The following XKR9 variants were observed in gnomAD, a reference collection of about 807,000 sequenced individuals.
XKR9 encodes XK related 9.
XKR9 carries 32 observed loss-of-function variants against 32.0 expected under a neutral mutation model. The ratio of observed to expected loss-of-function variants is 1.00; its 90% CI spans 0.76 to 1.34. The LOEUF (loss-of-function observed/expected upper bound fraction) is 1.34, where lower values mean the gene tolerates loss of function less well. Among genes scored for constraint, XKR9 ranks in the 40% most tolerant of loss-of-function variants. The probability of loss-of-function intolerance (pLI) is 0.00; values close to 1 mark genes in which losing one functional copy is unlikely to be tolerated. For synonymous variants in XKR9, 168 were observed against 143.4 expected, an observed-to-expected ratio of 1.17 and a Z score of -1.22; for missense variants, 546 against 429.7, an observed-to-expected ratio of 1.27 and a Z score of -2.39.
At chr8:70,773,169 C>A (rs2130236339) in intron 2 of XKR9, among the ~76,000 whole-genome samples, 1 of 152,242 alleles carries the variant, frequency 6.6e-6, no homozygotes, top group South Asian at 2.1e-4. Flanking sequence ...ATAAAAAGAT[C>A]TGGCAGATAT....
chr8:70,946,865 G>A, the XKR9 span, among the ~76,000 whole-genome samples: 1 of 152,276 alleles, frequency 6.6e-6, no homozygotes, highest in Non-Finnish European at 1.5e-5. Context: ...GAATTACCTA[G>A]CAGGACTCTT....
chr8:70,907,077 C>G, the XKR9 span, among the ~76,000 whole-genome samples: 3 of 152,134 alleles, frequency 2.0e-5, no homozygotes, highest in Non-Finnish European at 4.4e-5. Flanking sequence ...TGTTATCTGT[C>G]CTTATAGCTT....
chr8:70,760,490 A>G (rs1287257505), intron 2 of XKR9, among the ~76,000 whole-genome samples: 5 of 152,152 alleles, frequency 3.3e-5, no homozygotes, highest in Non-Finnish European at 7.3e-5. Flanking sequence ...TTGGGGTAAA[A>G]TATATGCAAC....
At chr8:71,006,935 T>A in the XKR9 span, among the ~76,000 whole-genome samples, 224 of 152,306 alleles carry the variant, frequency 1.5e-3, no homozygotes, top group African/African-American at 4.9e-3. Flanking sequence ...TGGTGACAAG[T>A]GGATGTACGA....
At chr8:70,841,333 G>C in the XKR9 span, among the ~76,000 whole-genome samples, 1 of 152,074 alleles carries the variant, frequency 6.6e-6, no homozygotes, top group Non-Finnish European at 1.5e-5. Flanking sequence ...TGATTTTTCT[G>C]TTTAATGTAC....
At chr8:70,777,792 T>A (rs1204014495) in intron 2 of XKR9, among the ~76,000 whole-genome samples, 1 of 151,990 alleles carries the variant, frequency 6.6e-6, no homozygotes, top group Non-Finnish European at 1.5e-5. Flanking sequence ...TTTGCCCAAT[T>A]TTTGATGAGG....
At chr8:70,683,581 T>C (rs771369784) in intron 3 of XKR9, 2 of 450,226 alleles carry the variant, frequency 4.4e-6, no homozygotes, top group Non-Finnish European at 4.5e-6. Flanking sequence ...TCCACCTCCT[T>C]GGTTCAAGAG....
the XKR9 span, among the ~76,000 whole-genome samples, chr8:71,063,607 C>A: frequency 6.6e-6 from 1 of 151,914 alleles, no homozygotes; most frequent in African/African-American, 2.4e-5. Context: ...TTATGAATAC[C>A]CCCAAAGGGG....
At chr8:70,812,454 G>A in the XKR9 span, among the ~76,000 whole-genome samples, 2 of 152,130 alleles carry the variant, frequency 1.3e-5, no homozygotes, top group African/African-American at 4.8e-5. Context: ...CAATTAGGCA[G>A]GAGAAGGAAA....
chr8:70,742,512 A>G (rs1230166139), intron 2 of XKR9, among the ~76,000 whole-genome samples: 1 of 152,176 alleles, frequency 6.6e-6, no homozygotes, highest in African/African-American at 2.4e-5. Context: ...GAAGATTTAA[A>G]TGTCTATGTG....
At chr8:71,018,642 G>A in the XKR9 span, among the ~76,000 whole-genome samples, 41 of 152,148 alleles carry the variant, frequency 2.7e-4, no homozygotes, top group African/African-American at 8.2e-4. Context: ...CACATAGTAC[G>A]TACTCAGTGT....
At chr8:70,963,203 G>A in the XKR9 span, among the ~76,000 whole-genome samples, 2 of 152,104 alleles carry the variant, frequency 1.3e-5, no homozygotes, top group African/African-American at 4.8e-5. Flanking sequence ...CCACTTATAA[G>A]TGAGAACATT....
At chr8:70,766,464 T>G (rs1164285557) in intron 2 of XKR9, among the ~76,000 whole-genome samples, 2 of 152,218 alleles carry the variant, frequency 1.3e-5, no homozygotes, top group African/African-American at 4.8e-5. Flanking sequence ...CTGAGACTGC[T>G]GAAGTTGCTT....
At chr8:70,768,417 C>A (rs1047062786) in intron 2 of XKR9, among the ~76,000 whole-genome samples, 4 of 152,114 alleles carry the variant, frequency 2.6e-5, no homozygotes, top group African/African-American at 9.7e-5. Flanking sequence ...GTGGAGAGTT[C>A]TGTAGATGTC....
the XKR9 span, among the ~76,000 whole-genome samples, chr8:70,814,179 A>T: frequency 1.3e-5 from 2 of 152,162 alleles, no homozygotes; most frequent in Non-Finnish European, 2.9e-5. Flanking sequence ...CATTCTCAGC[A>T]AACTATCGCA....
At chr8:70,743,103 A>G (rs1017352575) in intron 2 of XKR9, among the ~76,000 whole-genome samples, 2 of 151,346 alleles carry the variant, frequency 1.3e-5, no homozygotes, top group Non-Finnish European at 2.9e-5. Context: ...TTTTTTTCCA[A>G]TTTGTTTCTC....
At chr8:70,930,094 T>G in the XKR9 span, among the ~76,000 whole-genome samples, 1 of 152,202 alleles carries the variant, frequency 6.6e-6, no homozygotes, top group Non-Finnish European at 1.5e-5. Context: ...TAGAATAATG[T>G]CATTGCTTTG....
chr8:71,000,865 C>T, the XKR9 span, among the ~76,000 whole-genome samples: 1 of 152,188 alleles, frequency 6.6e-6, no homozygotes, highest in East Asian at 1.9e-4. Flanking sequence ...AAGAGCTTGG[C>T]ACACTGCCTG....
the XKR9 span, among the ~76,000 whole-genome samples, chr8:70,900,277 A>G: frequency 1.2e-3 from 190 of 152,208 alleles, no homozygotes; most frequent in African/African-American, 4.5e-3. Flanking sequence ...CTGGCAGCCA[A>G]TGCAAAAATG....
Sources: gnomAD v4.1 joint callset for allele counts (sites outside exome capture counted in the v4.1 genomes callset) on GRCh38, gnomAD v4.1.1 for gene constraint, MANE v1.5 for transcripts, NCBI Gene and HGNC (gene_info 2026-07-23, HGNC 2026-07-21) for gene names.